Variants in ARL15 observed in about 807,000 individuals in gnomAD.
ARL15 encodes ARF like GTPase 15.
In ARL15, 19 loss-of-function variants were observed where a neutral mutation model predicts 25.2. That is an observed-to-expected ratio of 0.75 (90% CI 0.53 to 1.10). The LOEUF is 1.10. Ranked by LOEUF, ARL15 falls within the 50% of genes least tolerant of loss-of-function variation. The pLI is 0.00. For synonymous variants in ARL15, 94 were observed against 86.8 expected, an observed-to-expected ratio of 1.08 and a Z score of -0.46; for missense variants, 220 against 246.0, an observed-to-expected ratio of 0.89 and a Z score of 0.71.
At chr5:54,021,232 G>T (rs1749591010) in intron 4 of ARL15, among the ~76,000 whole-genome samples, 1 of 152,148 alleles carries the variant, frequency 6.6e-6, no homozygotes. Flanking sequence ...GTACTTGGGA[G>T]GCTGAGGCAG....
intron 4 of ARL15, among the ~76,000 whole-genome samples, chr5:54,013,991 C>T (rs981324552): frequency 1.1e-4 from 17 of 152,170 alleles, no homozygotes; most frequent in Admixed American, 6.5e-5. Context: ...AGTGAATTGG[C>T]TTCATCTGCA....
chr5:54,229,720 A>G (rs192758211), intron 1 of ARL15, among the ~76,000 whole-genome samples: 2 of 152,334 alleles, frequency 1.3e-5, no homozygotes, highest in East Asian at 3.9e-4. Flanking sequence ...AGTCTAGGTT[A>G]GCATATCTCA....
chr5:53,956,735 C>A (rs1168654194), intron 4 of ARL15, among the ~76,000 whole-genome samples: 1 of 151,644 alleles, frequency 6.6e-6, no homozygotes, highest in Non-Finnish European at 1.5e-5. Context: ...CAAATAGAGA[C>A]CATCAATAAA....
At chr5:54,009,542 A>ACT (rs10701447) in intron 4 of ARL15, among the ~76,000 whole-genome samples, 2,462 of 152,068 alleles carry the variant, frequency 0.016, 83 homozygotes, top group African/African-American at 0.055. Flanking sequence ...ATTGCCCTGA[A>ACT]CTCTCTGGCT....
At chr5:53,946,583 G>C (rs962235916) in intron 4 of ARL15, among the ~76,000 whole-genome samples, 2 of 151,122 alleles carry the variant, frequency 1.3e-5, no homozygotes, top group Non-Finnish European at 2.9e-5. Context: ...GACCAACCAA[G>C]TTAAAGAGAA....
intron 4 of ARL15, among the ~76,000 whole-genome samples, chr5:53,908,708 T>A (rs1745354443): frequency 6.6e-6 from 1 of 152,198 alleles, no homozygotes; most frequent in African/African-American, 2.4e-5. Context: ...TTTTTGCAAC[T>A]TTAGGGTCAT....
intron 3 of ARL15, among the ~76,000 whole-genome samples, chr5:54,137,259 G>T (rs201121130): frequency 6.6e-6 from 1 of 152,100 alleles, no homozygotes; most frequent in Non-Finnish European, 1.5e-5. Context: ...GCACATGGCC[G>T]TCCTGCACTT....
At chr5:54,075,037 C>A (rs1751549181) in intron 4 of ARL15, among the ~76,000 whole-genome samples, 2 of 97,020 alleles carry the variant, frequency 2.1e-5, no homozygotes, top group South Asian at 3.4e-4. Flanking sequence ...AAACCCAAAG[C>A]AGATCTGACA....
At chr5:54,276,125 C>G (rs1017599844) in intron 1 of ARL15, among the ~76,000 whole-genome samples, 6 of 152,128 alleles carry the variant, frequency 3.9e-5, no homozygotes, top group Non-Finnish European at 5.9e-5. Context: ...TAAAAACAGC[C>G]AAGCCAACAC....
Position 54,040,207 on chromosome 5 carries a change from G to T in ARL15, c.462+72995C>A, listed in dbSNP as rs114122401. ...TGGCACCAATGGCACATTCTTCCTG[G>T]CTAACAGCATTATGCAGATATTAAT... On this transcript the variant is annotated intron_variant, in intron 4 of 4. Transcript: ENST00000504924. Among the ~76,000 whole-genome samples, 1,069 of 152,176 alleles carry T rather than the reference G, an allele frequency of 7.0e-3. 12 individuals are homozygous for T. Among genetic ancestry groups the T allele is most frequent in the African/African-American group, 0.025 (1,028 of 41,516 alleles).
chr5:54,126,914 T>C (rs1753271825), intron 3 of ARL15, among the ~76,000 whole-genome samples: 1 of 152,160 alleles, frequency 6.6e-6, no homozygotes, highest in Non-Finnish European at 1.5e-5. Flanking sequence ...GTTAGTTACA[T>C]ATGTATACAT....
At chr5:53,923,094 C>A (rs1383915274) in intron 4 of ARL15, among the ~76,000 whole-genome samples, 9 of 152,190 alleles carry the variant, frequency 5.9e-5, no homozygotes, top group Non-Finnish European at 1.2e-4. Context: ...GAAGTCTTCT[C>A]AAGTGACAGG....
intron 4 of ARL15, among the ~76,000 whole-genome samples, chr5:54,071,979 G>A (rs199634837): frequency 0.06 from 7,333 of 123,084 alleles, no homozygotes; most frequent in African/African-American, 0.08. Context: ...CTCAAAAAAA[G>A]AAAAAAAAAA....
At chr5:54,220,567 T>C (rs1321636860) in intron 1 of ARL15, among the ~76,000 whole-genome samples, 1 of 152,222 alleles carries the variant, frequency 6.6e-6, no homozygotes, top group African/African-American at 2.4e-5. Flanking sequence ...TTGCTTGATT[T>C]TTTAAATATG....
chr5:54,061,087 C>T (rs148320606), intron 4 of ARL15, among the ~76,000 whole-genome samples: 22 of 152,254 alleles, frequency 1.4e-4, no homozygotes, highest in African/African-American at 5.3e-4. Context: ...CATGATAGCC[C>T]CTCTTATCAC....
chr5:53,969,814 G>A (rs1462664038), intron 4 of ARL15, among the ~76,000 whole-genome samples: 1 of 151,910 alleles, frequency 6.6e-6, no homozygotes, highest in East Asian at 1.9e-4. Flanking sequence ...AATGTAAGTG[G>A]CTAAAACTCT....
At chr5:54,106,731 C>A (rs1421984774) in intron 4 of ARL15, among the ~76,000 whole-genome samples, 1 of 151,910 alleles carries the variant, frequency 6.6e-6, no homozygotes, top group African/African-American at 2.4e-5. Flanking sequence ...TACATGAATG[C>A]AGAACTCACA....
At chr5:54,221,299 C>T (rs539349960) in intron 1 of ARL15, among the ~76,000 whole-genome samples, 1 of 152,252 alleles carries the variant, frequency 6.6e-6, no homozygotes, top group African/African-American at 2.4e-5. Context: ...AGGGGTTTTA[C>T]ACAGGGGCTT....
At chr5:54,289,639 A>G (rs530221552) in intron 1 of ARL15, among the ~76,000 whole-genome samples, 1 of 68,518 alleles carries the variant, frequency 1.5e-5, no homozygotes, top group Non-Finnish European at 2.5e-5. Context: ...TTTCAGTGTT[A>G]AGACTTTCTG....
Sources: allele counts gnomAD v4.1 joint callset (sites outside exome capture counted in the v4.1 genomes callset), GRCh38; gene constraint gnomAD v4.1.1; transcripts MANE v1.5; gene names NCBI Gene and HGNC (gene_info 2026-07-23, HGNC 2026-07-21).